The following MAGI2 variants were observed in gnomAD, a reference collection of about 807,000 sequenced individuals.
MAGI2 encodes the protein membrane associated guanylate kinase, WW and PDZ domain containing 2.
In MAGI2, 35 loss-of-function variants were observed where a neutral mutation model predicts 133.3. That is an observed-to-expected ratio of 0.26 (90% CI 0.20 to 0.35). MAGI2 has a LOEUF of 0.35. Ranked by LOEUF, MAGI2 falls within the 10% of genes least tolerant of loss-of-function variation. The pLI is 1.00. For missense variants in MAGI2, 1,636 were observed against 1,863.4 expected, an observed-to-expected ratio of 0.88 and a Z score of 2.25; for synonymous variants, 729 against 710.6, an observed-to-expected ratio of 1.03 and a Z score of -0.41.
chr7:78,236,743 TAAC>T (rs1489829126), intron 10 of MAGI2, among the ~76,000 whole-genome samples: 1 of 152,106 alleles, frequency 6.6e-6, no homozygotes, highest in African/African-American at 2.4e-5. Flanking sequence ...AATTGATAAT[TAAC>T]AATTATATCC....
intron 1 of MAGI2, among the ~76,000 whole-genome samples, chr7:79,186,259 T>G (rs2129550749): frequency 7.1e-6 from 1 of 140,518 alleles, no homozygotes; most frequent in African/African-American, 2.8e-5. Flanking sequence ...TTTATTTATT[T>G]ATAAACTACA....
intron 1 of MAGI2, among the ~76,000 whole-genome samples, chr7:79,365,461 C>G (rs1842636208): frequency 6.6e-6 from 1 of 152,140 alleles, no homozygotes; most frequent in African/African-American, 2.4e-5. Context: ...TATCCCCAAA[C>G]TGAAATCAGC....
chr7:78,933,280 C>T (rs1310640462), intron 2 of MAGI2, among the ~76,000 whole-genome samples: 6 of 152,054 alleles, frequency 3.9e-5, no homozygotes, highest in African/African-American at 1.4e-4. Context: ...TTAATTTAGC[C>T]ATGTGACCAG....
chr7:78,905,893 T>A (rs1024361365), intron 2 of MAGI2, among the ~76,000 whole-genome samples: 2 of 151,964 alleles, frequency 1.3e-5, no homozygotes, highest in African/African-American at 4.8e-5. Flanking sequence ...GTTTATAGAA[T>A]GAAAAAATAA....
In MAGI2 at chr7:78,027,093, G is replaced by A. The variant is rs73703873; in HGVS notation, c.3707-7117C>T. Among the ~76,000 whole-genome samples the A allele has an allele frequency of 4.6e-3, 696 of 152,288 alleles. 4 individuals carry two copies. The highest frequency in any genetic ancestry group is 0.016 in the African/African-American group (677 of 41,536). On this transcript the variant is annotated intron_variant, in intron 21 of 21. Transcript: ENST00000354212. ...GGGGCATTGAATGGCTTTCGGAATT[G>A]GGTAATGTTCTACAAACTCAGCTGA...
chr7:78,858,069 GT>G (rs1422623397), intron 2 of MAGI2, among the ~76,000 whole-genome samples: 3 of 152,242 alleles, frequency 2.0e-5, no homozygotes, highest in African/African-American at 7.2e-5. Context: ...TCTGATGGTA[GT>G]TTGTATTTCT....
intron 2 of MAGI2, among the ~76,000 whole-genome samples, chr7:78,857,714 C>CT (rs987245934): frequency 6.6e-6 from 1 of 152,084 alleles, no homozygotes; most frequent in African/African-American, 2.4e-5. Context: ...CTAAAATTCT[C>CT]TTTTTTTGTT....
intron 1 of MAGI2, among the ~76,000 whole-genome samples, chr7:79,153,687 G>A (rs1200041519): frequency 6.6e-6 from 1 of 152,210 alleles, no homozygotes; most frequent in South Asian, 2.1e-4. Flanking sequence ...TAAGCATAGT[G>A]GAAGCCATGG....
intron 13 of MAGI2, among the ~76,000 whole-genome samples, chr7:78,181,205 T>G (rs1389479332): frequency 6.6e-6 from 1 of 152,154 alleles, no homozygotes; most frequent in Non-Finnish European, 1.5e-5. Context: ...GAACTTAAAG[T>G]GAAGAAATCC....
At chr7:78,733,277 TG>T (rs942730127) in intron 2 of MAGI2, among the ~76,000 whole-genome samples, 4 of 152,050 alleles carry the variant, frequency 2.6e-5, no homozygotes, top group African/African-American at 9.7e-5. Flanking sequence ...TATCAGGGAG[TG>T]GGGCCTTATT....
At chr7:78,381,751 A>G (rs976006038) in intron 6 of MAGI2, among the ~76,000 whole-genome samples, 2 of 152,180 alleles carry the variant, frequency 1.3e-5, no homozygotes, top group Non-Finnish European at 2.9e-5. Flanking sequence ...CTATATTGAG[A>G]CATCATTCTC....
chr7:79,092,144 A>G (rs1817118043), intron 1 of MAGI2, among the ~76,000 whole-genome samples: 1 of 152,156 alleles, frequency 6.6e-6, no homozygotes, highest in Non-Finnish European at 1.5e-5. Flanking sequence ...TCTCAGTAAT[A>G]AAAGAGGAAA....
At chr7:78,695,847 G>A (rs1817457545) in intron 2 of MAGI2, among the ~76,000 whole-genome samples, 1 of 152,148 alleles carries the variant, frequency 6.6e-6, no homozygotes, top group African/African-American at 2.4e-5. Context: ...CCATCAGGAG[G>A]CTTCCAGAAA....
At chr7:79,265,121 A>T (rs141227607) in intron 1 of MAGI2, among the ~76,000 whole-genome samples, 39 of 152,250 alleles carry the variant, frequency 2.6e-4, no homozygotes, top group African/African-American at 8.7e-4. Flanking sequence ...CCACAACTAA[A>T]CATAAAACTC....
At chr7:78,498,746 G>T (rs1794355780) in intron 5 of MAGI2, among the ~76,000 whole-genome samples, 1 of 152,102 alleles carries the variant, frequency 6.6e-6, no homozygotes, top group Non-Finnish European at 1.5e-5. Context: ...ATCACAAACT[G>T]GGGGTAAGGT....
chr7:78,660,635 G>A (rs1184264987), intron 2 of MAGI2, among the ~76,000 whole-genome samples: 1 of 152,064 alleles, frequency 6.6e-6, no homozygotes, highest in Non-Finnish European at 1.5e-5. Flanking sequence ...CATATTGGTG[G>A]CATTTTTAAA....
chr7:79,138,813 G>A (rs1195994684), intron 1 of MAGI2, among the ~76,000 whole-genome samples: 1 of 151,986 alleles, frequency 6.6e-6, no homozygotes, highest in Non-Finnish European at 1.5e-5. Flanking sequence ...AGACCATCCT[G>A]GCTAACATGG....
chr7:79,007,170 T>G lies in MAGI2; in HGVS notation c.338A>C (p.Asn113Thr). The change falls in exon 2 of 22, where the codon AAC (asparagine) becomes ACC (threonine). Residue 113 changes from asparagine (N) to threonine (T), a missense_variant. Asn to Thr is a moderately conservative substitution (Grantham distance 65). This residue lies in a region of MAGI2 where 148 missense variants were observed against 239.0 expected (regional missense o/e 0.62). Transcript: ENST00000354212. ...IVDKDLRHYL[N>T]LRFQKGSVDH... ...CACAGAACCCTTTTGAAATCGTAAG[T>G]TGAGGTAGTGACGAAGGTCTTTATC... 6.2e-7 allele frequency: 1 copy of G among 1,612,774 alleles called. No homozygotes were observed. The highest frequency in any genetic ancestry group is 1.1e-5 in the South Asian group (1 of 90,738).
intron 10 of MAGI2, among the ~76,000 whole-genome samples, chr7:78,206,940 A>G (rs1031053145): frequency 6.6e-6 from 1 of 152,228 alleles, no homozygotes; most frequent in Non-Finnish European, 1.5e-5. Flanking sequence ...TCTGTTTTAC[A>G]TAAGAAAAGG....
Sources: allele counts gnomAD v4.1 joint callset (sites outside exome capture counted in the v4.1 genomes callset), GRCh38; gene constraint gnomAD v4.1.1; regional missense constraint gnomAD v4.1.1; transcripts MANE v1.5; gene names NCBI Gene and HGNC (gene_info 2026-07-23, HGNC 2026-07-21).